RBM20: variants seen among roughly 807,000 people sequenced by gnomAD.
RBM20 encodes the protein RNA binding motif protein 20.
In RBM20, 51 loss-of-function variants were observed where a neutral mutation model predicts 110.1. The ratio of observed to expected loss-of-function variants is 0.46; its 90% CI spans 0.37 to 0.59. RBM20 has a LOEUF of 0.59. RBM20 is among the 20% of genes least tolerant of loss of function. The probability of loss-of-function intolerance (pLI) is 0.00; values close to 1 mark genes in which losing one functional copy is unlikely to be tolerated. For synonymous variants in RBM20, 589 were observed against 618.2 expected, an observed-to-expected ratio of 0.95 and a Z score of 0.70; for missense variants, 1,512 against 1,574.9, an observed-to-expected ratio of 0.96 and a Z score of 0.68.
intron 1 of RBM20, among the ~76,000 whole-genome samples, chr10:110,680,595 C>T (rs546404839): frequency 4.6e-5 from 7 of 152,148 alleles, no homozygotes; most frequent in Non-Finnish European, 8.8e-5. Flanking sequence ...TTGGCTAGCT[C>T]GGGGACTGAC....
intron 1 of RBM20, chr10:110,756,559 T>C (rs1028393642): frequency 6.6e-6 from 1 of 152,284 alleles, no homozygotes. Context: ...CATACCTCAA[T>C]GCACATTCCT....
At chr10:110,667,493 G>GGTAAGTAGCTAGATGACTA (rs1419341617) in intron 1 of RBM20, among the ~76,000 whole-genome samples, 1 of 152,156 alleles carries the variant, frequency 6.6e-6, no homozygotes, top group Non-Finnish European at 1.5e-5. Context: ...GTGAATGAAA[G>GGTAAGTAGCTAGATGACTA]GTAAGTAGCT....
chr10:110,682,886 G>GGTGAC, intron 1 of RBM20, among the ~76,000 whole-genome samples: 1 of 152,338 alleles, frequency 6.6e-6, no homozygotes, highest in East Asian at 1.9e-4. Flanking sequence ...TATTCTAACA[G>GGTGAC]TGATTTTCCA....
intron 12 of RBM20, among the ~76,000 whole-genome samples, chr10:110,828,849 G>GT (rs1845014165): frequency 6.6e-6 from 1 of 152,050 alleles, no homozygotes; most frequent in East Asian, 1.9e-4. Context: ...TTGTTTGTTT[G>GT]TTTTTTTGAC....
chr10:110,732,320 G>A (rs1025057814), intron 1 of RBM20, among the ~76,000 whole-genome samples: 2 of 151,996 alleles, frequency 1.3e-5, no homozygotes, highest in South Asian at 2.1e-4. Context: ...TTATTTCTCA[G>A]TTCCTCCATG....
At chr10:110,757,342 T>A (rs2134995381) in intron 1 of RBM20, among the ~76,000 whole-genome samples, 1 of 152,364 alleles carries the variant, frequency 6.6e-6, no homozygotes, top group African/African-American at 2.4e-5. Flanking sequence ...AACTTTTATA[T>A]CTTTATACTC....
intron 1 of RBM20, among the ~76,000 whole-genome samples, chr10:110,727,632 A>G (rs1843577546): frequency 6.6e-6 from 1 of 151,458 alleles, no homozygotes; most frequent in South Asian, 2.1e-4. Context: ...AATTTTGTAT[A>G]TTTTTCTTTT....
At chr10:110,727,724 G>C (rs971004166) in intron 1 of RBM20, among the ~76,000 whole-genome samples, 6 of 152,160 alleles carry the variant, frequency 3.9e-5, no homozygotes, top group Non-Finnish European at 4.4e-5. Flanking sequence ...ATGGTGGTTT[G>C]CTGCACTCAT....
intron 1 of RBM20, among the ~76,000 whole-genome samples, chr10:110,737,177 C>CAA (rs550138775): frequency 2.3e-4 from 6 of 26,612 alleles, no homozygotes; most frequent in South Asian, 1.3e-3. Flanking sequence ...AACTCTGCCT[C>CAA]AAAAAAAAAA....
At chr10:110,724,878 C>G (rs553508131) in intron 1 of RBM20, among the ~76,000 whole-genome samples, 26 of 152,312 alleles carry the variant, frequency 1.7e-4, no homozygotes, top group Admixed American at 1.4e-3. Context: ...CTGCATCCCC[C>G]TCAGGAACTT....
intron 1 of RBM20, among the ~76,000 whole-genome samples, chr10:110,759,269 C>T (rs555309880): frequency 2.2e-4 from 33 of 152,250 alleles, no homozygotes; most frequent in Middle Eastern, 3.4e-3. Flanking sequence ...TCTTTGTATT[C>T]CACATACAAC....
At chr10:110,769,888 TAAA>T (rs1844163340) in intron 1 of RBM20, among the ~76,000 whole-genome samples, 1 of 152,038 alleles carries the variant, frequency 6.6e-6, no homozygotes, top group Non-Finnish European at 1.5e-5. Context: ...CTGGCCAATC[TAAA>T]AAATTTTTTT....
chr10:110,781,277 C>CAGCT lies in RBM20; in HGVS notation c.670_673dup (p.Thr225SerfsTer7). 1 of 1,551,700 alleles carries CAGCT rather than the reference C, an allele frequency of 6.4e-7. No individual in the cohort carries two copies. Among genetic ancestry groups the CAGCT allele is most frequent in the Non-Finnish European group, 8.7e-7 (1 of 1,146,992 alleles). On this transcript the variant is annotated frameshift_variant, in exon 2 of 14. Transcript: ENST00000369519. LOFTEE classifies it high-confidence loss of function. The stretch of plus-strand genomic sequence containing the variant: ...GGCATTGGCAAGACTGGGCCTGCTC[C>CAGCT]AGCTACAGCAGGATTCTATGAGTAT...
At chr10:110,658,849 A>C (rs188297825) in intron 1 of RBM20, among the ~76,000 whole-genome samples, 1 of 151,762 alleles carries the variant, frequency 6.6e-6, no homozygotes, top group Non-Finnish European at 1.5e-5. Flanking sequence ...TTCTGCTTAG[A>C]CCTCACCTCT....
At position 110,801,629 on chromosome 10, in the gene RBM20, G is replaced by A. The variant is rs569391195; in HGVS notation, c.1800+1711G>A. Among the ~76,000 whole-genome samples the A allele has an allele frequency of 7.9e-5, 12 of 151,544 alleles. 1 individual carries two copies. In the East Asian group the frequency reaches 1.9e-3, roughly 25 times the overall value. ...GGCTCACTGCAATCTCCACCTCCCA[G>A]GTTCAAGCAATTCTCCTTCCCCACC... On this transcript the variant is annotated intron_variant, in intron 7 of 13. Transcript: ENST00000369519.
intron 1 of RBM20, among the ~76,000 whole-genome samples, chr10:110,697,317 G>T (rs1459070280): frequency 1.3e-5 from 2 of 152,212 alleles, no homozygotes; most frequent in African/African-American, 4.8e-5. Context: ...CTCCTAGCCA[G>T]CTGCACTTTT....
At chr10:110,761,868 A>C (rs183762469) in intron 1 of RBM20, among the ~76,000 whole-genome samples, 1 of 152,322 alleles carries the variant, frequency 6.6e-6, no homozygotes, top group Admixed American at 6.5e-5. Flanking sequence ...GCTTCTCCCA[A>C]CCCAGCTTCC....
Position 110,711,329 on chromosome 10 carries a change from C to CAAAAAAAAAA in RBM20, c.191+66703_191+66712dup, listed in dbSNP as rs1157753270. On this transcript the variant is annotated intron_variant, in intron 1 of 13. Transcript: ENST00000369519. ...TGGGAGACAGAGTGAGACTCCATCTCAAAAAAAAAAAAAAAAAAAAAAAAA... is the reference window on the plus strand; with the variant it reads ...TGGGAGACAGAGTGAGACTCCATCTCAAAAAAAAAAAAAAAAAAAAAAAAAAAAAAAAAAA... 2.8e-4 allele frequency among the ~76,000 whole-genome samples: 8 copies of CAAAAAAAAAA among 28,402 alleles called. 1 individual carries two copies. The highest frequency in any genetic ancestry group is 3.5e-4 in the Non-Finnish European group (6 of 17,170). 18.6% of individuals were successfully genotyped at this position (28,402 alleles called of 152,430 possible).
At chr10:110,746,770 A>T (rs961029521) in intron 1 of RBM20, among the ~76,000 whole-genome samples, 6 of 152,180 alleles carry the variant, frequency 3.9e-5, no homozygotes, top group African/African-American at 1.4e-4. Context: ...CACCTCCCCA[A>T]ATGGGGGACT....
Sources: allele counts gnomAD v4.1 joint callset (sites outside exome capture counted in the v4.1 genomes callset), GRCh38; gene constraint gnomAD v4.1.1; transcripts MANE v1.5; gene names NCBI Gene and HGNC (gene_info 2026-07-23, HGNC 2026-07-21).